Variants in EPB41L4B observed in about 807,000 individuals in gnomAD.
EPB41L4B encodes the protein band 4.1-like protein 4B.
In EPB41L4B, 30 loss-of-function variants were observed where a neutral mutation model predicts 112.5. That is an observed-to-expected ratio of 0.27 (90% CI 0.20 to 0.36). The LOEUF (loss-of-function observed/expected upper bound fraction) is 0.36, where lower values mean the gene tolerates loss of function less well. Ranked by LOEUF, EPB41L4B falls within the 10% of genes least tolerant of loss-of-function variation. EPB41L4B has a pLI of 1.00. For synonymous variants in EPB41L4B, 408 were observed against 439.7 expected, an observed-to-expected ratio of 0.93 and a Z score of 0.90; for missense variants, 1,024 against 1,133.3, an observed-to-expected ratio of 0.90 and a Z score of 1.38.
chr9:109,195,795 A>G (rs1051179506), intron 20 of EPB41L4B, among the ~76,000 whole-genome samples: 2 of 152,194 alleles, frequency 1.3e-5, no homozygotes, highest in Admixed American at 6.5e-5. Context: ...TTTTTCACAG[A>G]AGGGAGTCAA....
At chr9:109,310,487 G>A in intron 1 of EPB41L4B, among the ~76,000 whole-genome samples, 1 of 152,152 alleles carries the variant, frequency 6.6e-6, no homozygotes, top group East Asian at 1.9e-4. Flanking sequence ...GTTATAGAGA[G>A]TCTTTTGTAT....
At chr9:109,315,579 G>C (rs1837601889) in intron 1 of EPB41L4B, among the ~76,000 whole-genome samples, 1 of 152,154 alleles carries the variant, frequency 6.6e-6, no homozygotes, top group Non-Finnish European at 1.5e-5. Context: ...CTGACAATCA[G>C]GGTTCCCAAA....
intron 2 of EPB41L4B, among the ~76,000 whole-genome samples, chr9:109,277,270 G>A (rs1835865096): frequency 6.6e-6 from 1 of 150,546 alleles, no homozygotes; most frequent in Admixed American, 6.6e-5. Context: ...AGTGGAAATA[G>A]GCCTGCCGCT....
At chr9:109,216,058 C>T (rs1833355369) in intron 16 of EPB41L4B, among the ~76,000 whole-genome samples, 1 of 152,230 alleles carries the variant, frequency 6.6e-6, no homozygotes, top group African/African-American at 2.4e-5. Flanking sequence ...CCTGACACCA[C>T]TTTGCTCTCC....
At chr9:109,218,364 G>T (rs1833460375) in intron 15 of EPB41L4B, among the ~76,000 whole-genome samples, 1 of 151,970 alleles carries the variant, frequency 6.6e-6, no homozygotes, top group Non-Finnish European at 1.5e-5. Context: ...GACCTCAAGT[G>T]ACCTGCCTGC....
intron 17 of EPB41L4B, among the ~76,000 whole-genome samples, chr9:109,212,992 G>C (rs1244769788): frequency 1.3e-5 from 2 of 152,216 alleles, no homozygotes; most frequent in Non-Finnish European, 2.9e-5. Flanking sequence ...GGAGTGCCAA[G>C]GACACTGGAT....
chr9:109,243,375 A>G (rs539812746), intron 15 of EPB41L4B, among the ~76,000 whole-genome samples: 2 of 152,312 alleles, frequency 1.3e-5, no homozygotes, highest in African/African-American at 4.8e-5. Flanking sequence ...AACCAAGAAT[A>G]TATGAGATCA....
At chr9:109,304,674 C>T (rs1012881366) in intron 1 of EPB41L4B, among the ~76,000 whole-genome samples, 4 of 152,080 alleles carry the variant, frequency 2.6e-5, no homozygotes, top group Admixed American at 2.6e-4. Flanking sequence ...ATAGGAACTG[C>T]CTACTCCATG....
intron 15 of EPB41L4B, among the ~76,000 whole-genome samples, chr9:109,218,245 C>G (rs1174459188): frequency 6.6e-6 from 1 of 150,492 alleles, no homozygotes; most frequent in Non-Finnish European, 1.5e-5. Context: ...CATGCCTCAG[C>G]CTCCTGAGTA....
chr9:109,277,315 CA>C (rs35489544), intron 2 of EPB41L4B, among the ~76,000 whole-genome samples: 293 of 112,260 alleles, frequency 2.6e-3, no homozygotes, highest in African/African-American at 4.4e-3. Flanking sequence ...AGTAGACATG[CA>C]AAAAAAAAAA....
chr9:109,284,989 T>C (rs1156406358), intron 1 of EPB41L4B, among the ~76,000 whole-genome samples: 1 of 152,216 alleles, frequency 6.6e-6, no homozygotes, highest in East Asian at 1.9e-4. Context: ...AAGAAACCTG[T>C]GCTCTAGTCC....
chr9:109,312,940 G>A (rs1837472554), intron 1 of EPB41L4B, among the ~76,000 whole-genome samples: 1 of 152,004 alleles, frequency 6.6e-6, no homozygotes, highest in Non-Finnish European at 1.5e-5. Flanking sequence ...TCACTCTGGG[G>A]ACCAAACCTT....
At chr9:109,204,325 GCCCTCAC>G (rs1832926472) in intron 18 of EPB41L4B, among the ~76,000 whole-genome samples, 3 of 108,958 alleles carry the variant, frequency 2.8e-5, no homozygotes, top group African/African-American at 1.2e-4. Context: ...GAGGCCTGCA[GCCCTCAC>G]GACCATCACA....
chr9:109,233,386 C>G (rs1344670825), intron 15 of EPB41L4B, among the ~76,000 whole-genome samples: 1 of 152,102 alleles, frequency 6.6e-6, no homozygotes, highest in Non-Finnish European at 1.5e-5. Flanking sequence ...GGAAAGTTAT[C>G]AATACCCTCC....
chr9:109,301,912 T>C (rs192556722), intron 1 of EPB41L4B, among the ~76,000 whole-genome samples: 20 of 152,076 alleles, frequency 1.3e-4, no homozygotes, highest in Non-Finnish European at 2.5e-4. Flanking sequence ...CAAAAATAAA[T>C]AAACAAACAA....
At chr9:109,195,745 T>C (rs1832618925) in intron 20 of EPB41L4B, among the ~76,000 whole-genome samples, 1 of 152,230 alleles carries the variant, frequency 6.6e-6, no homozygotes, top group Non-Finnish European at 1.5e-5. Context: ...GTTATTATTA[T>C]TTAGTTTTAT....
intron 15 of EPB41L4B, among the ~76,000 whole-genome samples, chr9:109,242,231 A>G (rs1834376888): frequency 6.6e-6 from 1 of 152,236 alleles, no homozygotes; most frequent in Non-Finnish European, 1.5e-5. Flanking sequence ...GCTTGAAAAT[A>G]CACAAAATGT....
chr9:109,254,627 C>T (rs1398682058), intron 11 of EPB41L4B, among the ~76,000 whole-genome samples: 1 of 152,134 alleles, frequency 6.6e-6, no homozygotes, highest in Non-Finnish European at 1.5e-5. Context: ...TAAATGCGTA[C>T]TGCCAGGCCT....
chr9:109,312,367 A>G (rs768474517), intron 1 of EPB41L4B, among the ~76,000 whole-genome samples: 4 of 152,148 alleles, frequency 2.6e-5, no homozygotes, highest in Non-Finnish European at 5.9e-5. Context: ...CCATCAAACC[A>G]TTATGCACTC....
Sources: allele counts gnomAD v4.1 joint callset (sites outside exome capture counted in the v4.1 genomes callset), GRCh38; gene constraint gnomAD v4.1.1; transcripts MANE v1.5; gene names NCBI Gene and HGNC (gene_info 2026-07-23, HGNC 2026-07-21).